The following MCC variants were observed in gnomAD, a reference collection of about 807,000 sequenced individuals.
MCC encodes the protein colorectal mutant cancer protein.
Under a neutral mutation model 116.2 loss-of-function variants are expected in MCC, and 90 were observed. The ratio of observed to expected loss-of-function variants is 0.77; its 90% CI spans 0.65 to 0.92. The LOEUF is 0.92. Among genes scored for constraint, MCC ranks in the 40% least tolerant of loss-of-function variants. The pLI, the probability that MCC is intolerant of heterozygous loss-of-function variation, is 0.00. For synonymous variants in MCC, 578 were observed against 510.5 expected (o/e 1.13, Z -1.78); for missense variants, 1,516 against 1,312.2 (o/e 1.16, Z -2.40).
chr5:113,074,542 G>T (rs1309052443), intron 11 of MCC, among the ~76,000 whole-genome samples: 1 of 150,388 alleles, frequency 6.6e-6, no homozygotes, highest in Non-Finnish European at 1.5e-5. Flanking sequence ...TGACTTTGAT[G>T]AGTTGATAGA....
chr5:113,227,935 T>C (rs1264966026), intron 3 of MCC, among the ~76,000 whole-genome samples: 3 of 152,218 alleles, frequency 2.0e-5, no homozygotes, highest in South Asian at 2.1e-4. Context: ...CTTGGACCAA[T>C]GCATCCTTCT....
intron 5 of MCC, among the ~76,000 whole-genome samples, chr5:113,141,706 C>T: frequency 6.6e-6 from 1 of 152,176 alleles, no homozygotes; most frequent in East Asian, 1.9e-4. Context: ...ATGTAGTCTT[C>T]CTTTAAATTA....
At chr5:113,152,816 C>T in intron 3 of MCC, among the ~76,000 whole-genome samples, 1 of 151,720 alleles carries the variant, frequency 6.6e-6, no homozygotes, top group Non-Finnish European at 1.5e-5. Context: ...AGATCAATAG[C>T]CGATTTGAAA....
chr5:113,133,004 CTT>C (rs374102374), intron 5 of MCC, among the ~76,000 whole-genome samples: 3 of 149,048 alleles, frequency 2.0e-5, no homozygotes, highest in Middle Eastern at 3.2e-3. Context: ...CTATAACTTT[CTT>C]TTTTTTTTGT....
chr5:113,475,976 A>G (rs1201876353), intron 1 of MCC, among the ~76,000 whole-genome samples: 1 of 152,218 alleles, frequency 6.6e-6, no homozygotes, highest in Non-Finnish European at 1.5e-5. Context: ...TGTAAACTAT[A>G]AAGGTTTGTG....
At chr5:113,314,338 C>G (rs928098548) in intron 3 of MCC, among the ~76,000 whole-genome samples, 3 of 152,208 alleles carry the variant, frequency 2.0e-5, no homozygotes, top group Admixed American at 2.0e-4. Context: ...GGCTGGATGA[C>G]TGTGTCCTTC....
At chr5:113,413,090 T>C (rs149263938) in intron 1 of MCC, among the ~76,000 whole-genome samples, 25,273 of 152,090 alleles carry the variant, frequency 0.17, 2,714 homozygotes, top group African/African-American at 0.29. Context: ...TTTGCGTACG[T>C]TGAACCAGCC....
intron 3 of MCC, among the ~76,000 whole-genome samples, chr5:113,180,819 T>C (rs1761590212): frequency 1.3e-5 from 2 of 152,218 alleles, no homozygotes; most frequent in South Asian, 4.1e-4. Context: ...TTTCTGACTT[T>C]CTACATTTTA....
At chr5:113,089,352 A>G (rs1347757601) in intron 8 of MCC, among the ~76,000 whole-genome samples, 1 of 152,252 alleles carries the variant, frequency 6.6e-6, no homozygotes, top group Non-Finnish European at 1.5e-5. Flanking sequence ...AGGTTCAAGT[A>G]GGGAAATGAC....
chr5:113,487,327 G>C (rs1056513709), intron 1 of MCC, among the ~76,000 whole-genome samples: 1 of 151,868 alleles, frequency 6.6e-6, no homozygotes, highest in African/African-American at 2.4e-5. Context: ...CTTCATCCAA[G>C]GCAATTCAAA....
chr5:113,394,453 C>G (rs1258818248), intron 1 of MCC, among the ~76,000 whole-genome samples: 20 of 152,198 alleles, frequency 1.3e-4, no homozygotes, highest in Non-Finnish European at 1.5e-5. Flanking sequence ...CACTTCATAG[C>G]CAAGGCCCAT....
chr5:113,286,012 G>C (rs908033724), intron 3 of MCC, among the ~76,000 whole-genome samples: 2 of 152,154 alleles, frequency 1.3e-5, no homozygotes, highest in Admixed American at 6.5e-5. Context: ...ATGGCAACTG[G>C]GATTTGGTCC....
chr5:113,251,896 G>C (rs1050805444), intron 3 of MCC, among the ~76,000 whole-genome samples: 2 of 152,140 alleles, frequency 1.3e-5, no homozygotes, highest in African/African-American at 4.8e-5. Flanking sequence ...GGTGGCCTGA[G>C]GGGACATGCA....
intron 8 of MCC, among the ~76,000 whole-genome samples, chr5:113,100,618 C>T (rs1206428102): frequency 6.6e-6 from 1 of 152,028 alleles, no homozygotes; most frequent in Non-Finnish European, 1.5e-5. Context: ...ACTACAGGCA[C>T]ACAGCACCAT....
intron 1 of MCC, among the ~76,000 whole-genome samples, chr5:113,397,320 C>T (rs944831902): frequency 3.3e-5 from 5 of 152,116 alleles, no homozygotes; most frequent in Non-Finnish European, 5.9e-5. Flanking sequence ...CCCATGCATT[C>T]GTTCTCTCTC....
intron 6 of MCC, among the ~76,000 whole-genome samples, chr5:113,105,906 G>A (rs544406698): frequency 1.3e-5 from 2 of 152,190 alleles, no homozygotes; most frequent in Non-Finnish European, 2.9e-5. Context: ...GATCAAGACT[G>A]ATGTGCTCAG....
chr5:113,222,310 T>C (rs1184223599), intron 3 of MCC, among the ~76,000 whole-genome samples: 1 of 152,198 alleles, frequency 6.6e-6, no homozygotes, highest in African/African-American at 2.4e-5. Context: ...TATTATTGGG[T>C]TTGATTTGCT....
At chr5:113,275,965 G>GT (rs1194323460) in intron 3 of MCC, among the ~76,000 whole-genome samples, 1,842 of 120,926 alleles carry the variant, frequency 0.015, 27 homozygotes, top group Non-Finnish European at 0.019. Context: ...GATTTCACTT[G>GT]TTTTGTTTTT....
chr5:113,264,515 G>C (rs150483722), intron 3 of MCC, among the ~76,000 whole-genome samples: 287 of 152,182 alleles, frequency 1.9e-3, no homozygotes, highest in African/African-American at 6.7e-3. Flanking sequence ...CACTCAATGA[G>C]AGCTATTCTC....
Sources: allele counts gnomAD v4.1 joint callset (sites outside exome capture counted in the v4.1 genomes callset), GRCh38; gene constraint gnomAD v4.1.1; transcripts MANE v1.5; gene names NCBI Gene and HGNC (gene_info 2026-07-23, HGNC 2026-07-21).